CHODL: variants seen among roughly 807,000 people sequenced by gnomAD.
CHODL encodes transmembrane protein MT75.
In CHODL, 29 loss-of-function variants were observed where a neutral mutation model predicts 34.5. That is an observed-to-expected ratio of 0.84 (90% confidence interval 0.63 to 1.15). CHODL has a LOEUF of 1.15. CHODL is among the 50% of genes most tolerant of loss of function. The pLI, the probability that CHODL is intolerant of heterozygous loss-of-function variation, is 0.00. For missense variants in CHODL, 332 were observed against 332.5 expected (o/e 1.00, Z 0.01); for synonymous variants, 125 against 116.1 (o/e 1.08, Z -0.49).
At chr21:17,974,805 G>A (rs1334194666) in intron 1 of CHODL, among the ~76,000 whole-genome samples, 6 of 151,228 alleles carry the variant, frequency 4.0e-5, no homozygotes, top group Non-Finnish European at 7.4e-5. Context: ...CTAACAAAAG[G>A]CTCATTAATG....
At chr21:17,958,362 G>A (rs1204545277) in intron 1 of CHODL, among the ~76,000 whole-genome samples, 1 of 152,104 alleles carries the variant, frequency 6.6e-6, no homozygotes. Flanking sequence ...ACTGGGCACA[G>A]TATTCTATTA....
chr21:18,054,207 G>A (rs1382076912), intron 2 of CHODL, among the ~76,000 whole-genome samples: 1 of 151,874 alleles, frequency 6.6e-6, no homozygotes, highest in Non-Finnish European at 1.5e-5. Context: ...CATATACAGA[G>A]AGAGAGGGAG....
intron 2 of CHODL, among the ~76,000 whole-genome samples, chr21:18,223,332 A>T (rs2073901642): frequency 6.6e-6 from 1 of 152,224 alleles, no homozygotes. Flanking sequence ...ATTAATTTAA[A>T]TTACATTAAA....
Position 18,167,227 on chromosome 21 carries a change from G to C in CHODL, c.-44-89282G>C, listed in dbSNP as rs1462769130. On this transcript the variant is annotated intron_variant, in intron 2 of 6. Transcript: ENST00000400127. Reference sequence around the variant, plus strand: ...TCTCTCTCTCTGTGTGTGTGTGTGTGTGTGTGTGTGTGTGTGTGTGTGTGT... The same window carrying C: ...TCTCTCTCTCTGTGTGTGTGTGTGTCTGTGTGTGTGTGTGTGTGTGTGTGT... 1.3e-3 allele frequency among the ~76,000 whole-genome samples: 192 copies of C among 149,806 alleles called. 3 individuals carry two copies. In the South Asian group the frequency reaches 0.015, roughly 12 times the overall value.
Position 17,999,899 on chromosome 21 carries a change from C to T in CHODL, c.-144-27973C>T, listed in dbSNP as rs147860407. ...CAGCTTGGTCGTGTGTGAAGATGTA[C>T]ACCAACCTCTCTGAGCCTTTTAAAG... On this transcript the variant is annotated intron_variant, in intron 1 of 6. Coordinates refer to the CHODL transcript ENST00000400127. Among the ~76,000 whole-genome samples, 842 of 152,280 alleles carry T rather than the reference C, an allele frequency of 5.5e-3. 8 individuals are homozygous for T. The highest frequency in any genetic ancestry group is 0.013 in the African/African-American group (554 of 41,556).
At chr21:17,922,327 A>G (rs1259069211) in intron 1 of CHODL, among the ~76,000 whole-genome samples, 1 of 152,212 alleles carries the variant, frequency 6.6e-6, no homozygotes, top group Non-Finnish European at 1.5e-5. Context: ...ATTCCAGAGA[A>G]AATTTACAAC....
At chr21:18,070,863 A>G (rs895943517) in intron 2 of CHODL, among the ~76,000 whole-genome samples, 1 of 151,886 alleles carries the variant, frequency 6.6e-6, no homozygotes, top group African/African-American at 2.4e-5. Flanking sequence ...CTTGGGTGCT[A>G]TAACCAAAAT....
intron 2 of CHODL, among the ~76,000 whole-genome samples, chr21:18,108,076 T>C (rs1381050588): frequency 2.0e-5 from 3 of 152,210 alleles, no homozygotes; most frequent in Admixed American, 2.0e-4. Flanking sequence ...ATTTACACCA[T>C]TGTGGGATTG....
chr21:18,112,178 G>C (rs890926916), intron 2 of CHODL, among the ~76,000 whole-genome samples: 1 of 152,114 alleles, frequency 6.6e-6, no homozygotes. Context: ...TGAAAGTGCA[G>C]AGGATTGGCA....
intron 1 of CHODL, among the ~76,000 whole-genome samples, chr21:18,248,717 CATAT>C (rs1276272439): frequency 3.6e-5 from 4 of 110,108 alleles, no homozygotes; most frequent in Non-Finnish European, 5.1e-5. Flanking sequence ...ATAATATATA[CATAT>C]ATATGTATAT....
intron 2 of CHODL, among the ~76,000 whole-genome samples, chr21:18,153,029 G>C (rs1359924552): frequency 6.6e-6 from 1 of 152,242 alleles, no homozygotes; most frequent in South Asian, 2.1e-4. Flanking sequence ...GACATAACTG[G>C]TTAATTATCA....
chr21:18,260,171 T>C (rs374990576), intron 3 of CHODL, 29 bp from the exon 4 acceptor site: 44 of 1,034,770 alleles, frequency 4.3e-5, no homozygotes, highest in Non-Finnish European at 5.6e-5. Flanking sequence ...TTAATCATTA[T>C]ATATGATGGT....
chr21:18,098,651 T>C (rs1031933792), intron 2 of CHODL, among the ~76,000 whole-genome samples: 11 of 152,138 alleles, frequency 7.2e-5, no homozygotes, highest in Non-Finnish European at 1.5e-4. Flanking sequence ...ACAACCATTA[T>C]GGAAAACAGT....
intron 2 of CHODL, among the ~76,000 whole-genome samples, chr21:18,030,122 AC>A (rs1207243018): frequency 1.3e-5 from 2 of 152,092 alleles, no homozygotes; most frequent in Admixed American, 1.3e-4. Flanking sequence ...CTAATGGCTA[AC>A]TTCTAACTAA....
chr21:17,965,613 G>A (rs989935672), intron 1 of CHODL, among the ~76,000 whole-genome samples: 5 of 152,082 alleles, frequency 3.3e-5, no homozygotes, highest in African/African-American at 4.8e-5. Context: ...TAATGCATTT[G>A]TTTTAATTCT....
chr21:17,996,269 G>A (rs1018879227), intron 1 of CHODL, among the ~76,000 whole-genome samples: 10 of 152,124 alleles, frequency 6.6e-5, no homozygotes, highest in Non-Finnish European at 1.3e-4. Context: ...AAAGAATAGG[G>A]AAAACATGAG....
chr21:18,237,592 T>C (rs926547300), intron 2 of CHODL, among the ~76,000 whole-genome samples: 2 of 152,102 alleles, frequency 1.3e-5, no homozygotes, highest in African/African-American at 4.8e-5. Context: ...TTATTATACA[T>C]CCCTCTTCTC....
chr21:18,245,673 C>T (rs550306097), intron 1 of CHODL, among the ~76,000 whole-genome samples: 10 of 152,084 alleles, frequency 6.6e-5, no homozygotes, highest in Non-Finnish European at 1.0e-4. Flanking sequence ...AACCCAGAGA[C>T]AGAAGAGCCA....
rs564091665 is a variant in CHODL at position 17,953,467 on chromosome 21, T to TA, written c.-145+36074dup. On this transcript the variant is annotated intron_variant, in intron 1 of 6. Coordinates refer to the CHODL transcript ENST00000400127. ...GGGTGACAGAATGAGATTCTGTCTC[T>TA]AAAAAAATAAGAAAATAATAAAAAT... 4.6e-5 allele frequency among the ~76,000 whole-genome samples: 7 copies of TA among 151,326 alleles called. No individual in the cohort carries two copies. In the East Asian group the frequency reaches 1.4e-3, roughly 30 times the overall value.
Sources: gnomAD v4.1 joint callset for allele counts (sites outside exome capture counted in the v4.1 genomes callset) on GRCh38, gnomAD v4.1.1 for gene constraint, MANE v1.5 for transcripts, NCBI Gene and HGNC (gene_info 2026-07-23, HGNC 2026-07-21) for gene names.